TRIOBP: variants seen among roughly 807,000 people sequenced by gnomAD.
TRIOBP encodes TRIO and F-actin-binding protein.
TRIOBP carries 169 observed loss-of-function variants against 238.8 expected under a neutral mutation model. The ratio of observed to expected loss-of-function variants is 0.71; its 90% CI spans 0.62 to 0.80. The LOEUF (loss-of-function observed/expected upper bound fraction) is 0.80, where lower values mean the gene tolerates loss of function less well. Ranked by LOEUF, TRIOBP falls within the 30% of genes least tolerant of loss-of-function variation. The pLI is 0.00. For missense variants in TRIOBP, 2,838 were observed against 3,122.6 expected (o/e 0.91, Z 2.17); for synonymous variants, 1,150 against 1,274.4 (o/e 0.90, Z 2.08).
intron 17 of TRIOBP, among the ~76,000 whole-genome samples, chr22:37,761,437 ACT>A (rs1356886020): frequency 1.3e-5 from 2 of 152,228 alleles, no homozygotes; most frequent in Admixed American, 1.3e-4. Context: ...TGACAGTGAG[ACT>A]CTATCTAAAA....
At chr22:37,714,302 G>T (rs1173880711) in intron 5 of TRIOBP, among the ~76,000 whole-genome samples, 2 of 152,208 alleles carry the variant, frequency 1.3e-5, no homozygotes, top group African/African-American at 4.8e-5. Flanking sequence ...CGTTGAAGAT[G>T]AGCGACTTGG....
intron 2 of TRIOBP, 29 bp downstream of exon 2, chr22:37,697,725 G>C (rs550258541): frequency 2.6e-5 from 4 of 152,526 alleles, no homozygotes; most frequent in African/African-American, 9.6e-5. Flanking sequence ...AGGTGACCTG[G>C]GGGCACCAAA....
intron 3 of TRIOBP, among the ~76,000 whole-genome samples, chr22:37,704,904 CAA>C (rs55816795): frequency 0.057 from 7,494 of 131,256 alleles, 206 homozygotes; most frequent in South Asian, 0.11. Flanking sequence ...CCATTTCTAC[CAA>C]AAAAAAAAAA....
intron 14 of TRIOBP, 169 bp downstream of exon 14, chr22:37,755,359 T>C: frequency 1.1e-6 from 1 of 918,022 alleles, no homozygotes; most frequent in Non-Finnish European, 1.7e-6. Context: ...TTAGCATATC[T>C]GGGGGAGACG....
At chr22:37,772,850 C>A in intron 23 of TRIOBP, 86 bp downstream of exon 23, 3 of 1,512,390 alleles carry the variant, frequency 2.0e-6, no homozygotes, top group East Asian at 2.3e-5. Context: ...CCCAGCCAGG[C>A]CACTTCCTTC....
At position 37,724,380 on chromosome 22, in the gene TRIOBP, C is replaced by T. The variant is rs1923999064; in HGVS notation, c.1824C>T (p.Pro608=). ...PTTSCAQRDN[P]RASRTSSPNR... is the part of the protein sequence containing the mutation. ...CATCCTGTGCCCAGCGGGACAATCC[C>T]AGAGCCTCCAGAACCTCCTCTCCCA... Residue 608 remains proline (P), a synonymous_variant, in exon 7 of 24, where the codon CCC becomes CCT. Coordinates refer to ENST00000644935, the MANE Select transcript of TRIOBP (RefSeq NM_001039141.3). 1 of 1,594,480 alleles carries T rather than the reference C, an allele frequency of 6.3e-7. No homozygotes were observed. Among genetic ancestry groups the T allele is most frequent in the Non-Finnish European group, 8.5e-7 (1 of 1,173,958 alleles).
At chr22:37,713,688 C>T (rs1340102398) in intron 5 of TRIOBP, among the ~76,000 whole-genome samples, 1 of 152,192 alleles carries the variant, frequency 6.6e-6, no homozygotes, top group Non-Finnish European at 1.5e-5. Context: ...CCAGCAGGCT[C>T]GGGCTGCCAC....
In TRIOBP at chr22:37,725,854, T is replaced by G; in HGVS notation, c.3298T>G (p.Ser1100Ala). 6.3e-7 allele frequency: 1 copy of G among 1,594,368 alleles called. No homozygotes were observed. Among genetic ancestry groups the G allele is most frequent in the Non-Finnish European group, 8.5e-7 (1 of 1,174,206 alleles). ...ATCAGATGCCGAGCATCAGTGTCAGTCCCCCCAACACGAGCCCCTTCAGCT... is the reference window on the plus strand; with the variant it reads ...ATCAGATGCCGAGCATCAGTGTCAGGCCCCCCAACACGAGCCCCTTCAGCT... Reference protein sequence around the residue: ...DTSDAEHQCQSPQHEPLQLPA... With the variant: ...DTSDAEHQCQAPQHEPLQLPA... The change falls in exon 7 of 24, where the codon TCC becomes GCC. Residue 1100 changes from serine to alanine, a missense_variant. By Grantham distance (99) the Ser-to-Ala change is moderately conservative. Coordinates refer to ENST00000644935, the MANE Select transcript of TRIOBP (RefSeq NM_001039141.3).
At chr22:37,730,675 C>G (rs1007490615) in intron 7 of TRIOBP, among the ~76,000 whole-genome samples, 2 of 152,116 alleles carry the variant, frequency 1.3e-5, no homozygotes, top group African/African-American at 4.8e-5. Flanking sequence ...GGTGCAGTGG[C>G]TCATGCTTGT....
intron 7 of TRIOBP, among the ~76,000 whole-genome samples, chr22:37,732,998 G>A (rs1924497126): frequency 6.6e-6 from 1 of 152,206 alleles, no homozygotes; most frequent in Non-Finnish European, 1.5e-5. Flanking sequence ...AGTACTGGAT[G>A]AGACAGGAGA....
At chr22:37,759,568 C>T (rs781012231) in intron 17 of TRIOBP, 8 of 1,594,300 alleles carry the variant, frequency 5.0e-6, no homozygotes, top group Admixed American at 1.7e-5. Context: ...TGTGAGTCCC[C>T]GTGTGACACT....
intron 7 of TRIOBP, among the ~76,000 whole-genome samples, chr22:37,731,953 A>G (rs769342437): frequency 3.9e-5 from 6 of 152,320 alleles, no homozygotes; most frequent in Middle Eastern, 3.4e-3. Context: ...CACCACAGAC[A>G]GCAGGGCCTA....
In TRIOBP at chr22:37,734,398, G is replaced by A. The variant is rs1397142368; in HGVS notation, c.4063-1G>A. The A allele has an allele frequency of 6.2e-7, 1 of 1,612,872 alleles. No homozygotes were observed. The highest frequency in any genetic ancestry group is 8.5e-7 in the Non-Finnish European group (1 of 1,179,854). On this transcript the variant is annotated splice_acceptor_variant, in intron 8 of 23. Coordinates refer to ENST00000644935, the MANE Select transcript of TRIOBP (RefSeq NM_001039141.3). LOFTEE classifies it high-confidence loss of function. ...CACCTACCCCCTCACCTCATCCCCA[G>A]GTGACCATGCTCCCTGCCAAACAGG...
At chr22:37,730,946 CAAAAAAAA>C (rs11316099) in intron 7 of TRIOBP, among the ~76,000 whole-genome samples, 1 of 83,848 alleles carries the variant, frequency 1.2e-5, no homozygotes, top group African/African-American at 5.1e-5. Flanking sequence ...GACTCCATCT[CAAAAAAAA>C]AAAAAAAAAA....
At chr22:37,717,224 G>T (rs1398454310) in intron 6 of TRIOBP, among the ~76,000 whole-genome samples, 1 of 152,106 alleles carries the variant, frequency 6.6e-6, no homozygotes, top group East Asian at 1.9e-4. Context: ...GTGGGTTCAT[G>T]GTCTGGATGG....
chr22:37,759,269 G>A lies in TRIOBP; in HGVS notation c.6324+5G>A. 1 of 1,612,048 alleles carries A rather than the reference G, an allele frequency of 6.2e-7. No homozygotes were observed. The highest frequency in any genetic ancestry group is 8.5e-7 in the Non-Finnish European group (1 of 1,178,922). On this transcript the variant is annotated splice_donor_5th_base_variant and intron_variant, in intron 17 of 23. Coordinates refer to ENST00000644935, the MANE Select transcript of TRIOBP (RefSeq NM_001039141.3). ...CCCCCGGGCTACATCTCACAGGTAA[G>A]GCCGGGGGGCTGTTTTTCAGGGGGA...
At chr22:37,772,460 C>T in intron 22 of TRIOBP, 141 bp from the exon 23 acceptor site, 1 of 1,156,646 alleles carries the variant, frequency 8.6e-7, no homozygotes, top group Admixed American at 1.9e-5. Context: ...GCCCAGAACC[C>T]ACGGCCATCT....
intron 18 of TRIOBP, among the ~76,000 whole-genome samples, chr22:37,767,385 G>A (rs1431373794): frequency 6.6e-6 from 1 of 152,134 alleles, no homozygotes; most frequent in Non-Finnish European, 1.5e-5. Flanking sequence ...GTAAAACCAT[G>A]GGTGGCCCTG....
chr22:37,711,192 T>C (rs1325706659), intron 4 of TRIOBP, among the ~76,000 whole-genome samples: 1 of 152,210 alleles, frequency 6.6e-6, no homozygotes, highest in Non-Finnish European at 1.5e-5. Context: ...TCAGTTTCCC[T>C]CTCTGTAAAA....
Sources: allele counts gnomAD v4.1 joint callset (sites outside exome capture counted in the v4.1 genomes callset), GRCh38; gene constraint gnomAD v4.1.1; transcripts MANE v1.5; gene names NCBI Gene and HGNC (gene_info 2026-07-23, HGNC 2026-07-21).